MACROD2: variants seen among roughly 807,000 people sequenced by gnomAD.
The protein encoded by MACROD2 is ADP-ribose glycohydrolase MACROD2.
Under a neutral mutation model 70.4 loss-of-function variants are expected in MACROD2, and 36 were observed. That is an observed-to-expected ratio of 0.51 (90% CI 0.39 to 0.68). MACROD2 has a LOEUF of 0.68. MACROD2 is among the 30% of genes least tolerant of loss of function. MACROD2 has a pLI of 0.00. For synonymous variants in MACROD2, 172 were observed against 178.8 expected (o/e 0.96, Z 0.30); for missense variants, 496 against 538.4 (o/e 0.92, Z 0.78).
intron 5 of MACROD2, chr20:14,757,668 A>G (rs2071958999): frequency 7.4e-7 from 1 of 1,346,002 alleles, no homozygotes; most frequent in Admixed American, 1.7e-5. Flanking sequence ...GAGCTGTCAG[A>G]CAAGAATGTG....
intron 3 of MACROD2, among the ~76,000 whole-genome samples, chr20:14,306,151 G>A (rs955869157): frequency 2.0e-5 from 3 of 151,946 alleles, no homozygotes; most frequent in Non-Finnish European, 4.4e-5. Context: ...AATCCAGTGG[G>A]CACTGTTCAT....
rs955629540 is a variant in MACROD2 at position 15,814,962 on chromosome 20, G to A, written c.646-47783G>A. Among the ~76,000 whole-genome samples, 7 of 145,798 alleles carry A rather than the reference G, an allele frequency of 4.8e-5. No homozygotes were observed. The Admixed American group carries it at 4.9e-4, about 10-fold the overall frequency. Reference sequence around the variant, plus strand: ...AACTTTTAATTATGTCCAGAAGAATGGCAGAATATGTAGTGTTTGCAACCA... The same window carrying A: ...AACTTTTAATTATGTCCAGAAGAATAGCAGAATATGTAGTGTTTGCAACCA... On this transcript the variant is annotated intron_variant, in intron 8 of 17. Transcript: ENST00000684519.
intron 9 of MACROD2, among the ~76,000 whole-genome samples, chr20:15,865,513 G>T (rs529065900): frequency 1.3e-5 from 2 of 152,138 alleles, no homozygotes; most frequent in African/African-American, 4.8e-5. Context: ...AGGAGGCACC[G>T]TATTAACCCT....
At chr20:15,076,522 T>G (rs982269672) in intron 5 of MACROD2, among the ~76,000 whole-genome samples, 1 of 152,140 alleles carries the variant, frequency 6.6e-6, no homozygotes, top group African/African-American at 2.4e-5. Flanking sequence ...AGTATTACTG[T>G]TATTATCATT....
At position 15,199,371 on chromosome 20, in the gene MACROD2, C is replaced by A. The variant is rs2076636104; in HGVS notation, c.419-30569C>A. On this transcript the variant is annotated intron_variant, in intron 5 of 17. Transcript: ENST00000684519. ...GATCCTGTCTCAAAAAAACAAAAAA[C>A]AAACAACAACAACAAAAACACTGTG... 2.0e-5 allele frequency among the ~76,000 whole-genome samples: 3 copies of A among 151,906 alleles called. No homozygotes were observed. The South Asian group carries it at 6.2e-4, about 32-fold the overall frequency.
At chr20:15,578,907 CAG>C (rs546048180) in intron 8 of MACROD2, among the ~76,000 whole-genome samples, 1 of 151,840 alleles carries the variant, frequency 6.6e-6, no homozygotes, top group South Asian at 2.1e-4. Flanking sequence ...AGAAGATAGA[CAG>C]ATAAACAGAT....
chr20:15,536,270 C>T (rs777915536), intron 8 of MACROD2, among the ~76,000 whole-genome samples: 1 of 152,206 alleles, frequency 6.6e-6, no homozygotes, highest in Middle Eastern at 3.4e-3. Context: ...GAAAGGCCTC[C>T]GAATAGGAAT....
In MACROD2 at chr20:14,777,704, A is replaced by G. The variant is rs190787001; in HGVS notation, c.418+92745A>G. On this transcript the variant is annotated intron_variant, in intron 5 of 17. Coordinates refer to ENST00000684519, the MANE Select transcript of MACROD2 (RefSeq NM_001351661.2). ...GTGGACCCAGGCATGAAATTTAGTA[A>G]TATGCTGTTTAAACATAAAAGGCTA... Among the ~76,000 whole-genome samples, 242 of 152,226 alleles carry G rather than the reference A, an allele frequency of 1.6e-3. 1 individual carries two copies. The highest frequency in any genetic ancestry group is 5.5e-3 in the African/African-American group (227 of 41,492).
intron 8 of MACROD2, among the ~76,000 whole-genome samples, chr20:15,648,172 TTGA>T (rs2049582724): frequency 6.6e-6 from 1 of 152,210 alleles, no homozygotes; most frequent in South Asian, 2.1e-4. Context: ...GAATTTAATG[TTGA>T]TGAAGATAGA....
chr20:15,087,198 A>G (rs932977598), intron 5 of MACROD2, among the ~76,000 whole-genome samples: 3 of 152,070 alleles, frequency 2.0e-5, no homozygotes, highest in African/African-American at 7.2e-5. Flanking sequence ...GACTCTATTC[A>G]ATTAACAGAA....
At chr20:14,042,761 A>G (rs2053410853) in intron 2 of MACROD2, among the ~76,000 whole-genome samples, 1 of 152,054 alleles carries the variant, frequency 6.6e-6, no homozygotes, top group Non-Finnish European at 1.5e-5. Flanking sequence ...TGGCCTCCCA[A>G]AGTGTTGAGA....
chr20:15,149,076 C>T (rs957800366), intron 5 of MACROD2, among the ~76,000 whole-genome samples: 2 of 151,880 alleles, frequency 1.3e-5, no homozygotes, highest in Non-Finnish European at 2.9e-5. Flanking sequence ...TCTACCTAGA[C>T]TAAGAGGTAT....
At chr20:15,652,138 C>T (rs1292696437) in intron 8 of MACROD2, among the ~76,000 whole-genome samples, 1 of 152,168 alleles carries the variant, frequency 6.6e-6, no homozygotes, top group Non-Finnish European at 1.5e-5. Context: ...AACAAGCACT[C>T]ACCTGCTAGT....
chr20:14,575,059 G>A (rs2123330029), intron 4 of MACROD2, among the ~76,000 whole-genome samples: 1 of 145,814 alleles, frequency 6.9e-6, no homozygotes, highest in Non-Finnish European at 1.5e-5. Context: ...CAAAGTTTTT[G>A]GTCTCTGCAC....
intron 7 of MACROD2, among the ~76,000 whole-genome samples, chr20:15,435,348 TTAA>T (rs1180580764): frequency 2.6e-5 from 4 of 152,144 alleles, no homozygotes; most frequent in Non-Finnish European, 4.4e-5. Flanking sequence ...CATCTTTCAC[TTAA>T]TAATAATATT....
At chr20:15,842,575 C>T (rs1600981997) in intron 8 of MACROD2, among the ~76,000 whole-genome samples, 2 of 145,450 alleles carry the variant, frequency 1.4e-5, no homozygotes, top group Non-Finnish European at 3.0e-5. Context: ...TCAGAAACCA[C>T]AAAAAGCATC....
Position 15,845,190 on chromosome 20 carries a change from C to G in MACROD2, c.646-17555C>G, listed in dbSNP as rs554552586. ...GATATAATTAGTAAAGTTGAGGTCA[C>G]GCTGGATTAAGGTAGATCCTAATTC... On this transcript the variant is annotated intron_variant, in intron 8 of 17. Coordinates refer to ENST00000684519, the MANE Select transcript of MACROD2 (RefSeq NM_001351661.2). Among the ~76,000 whole-genome samples, 8 of 152,180 alleles carry G rather than the reference C, an allele frequency of 5.3e-5. No homozygotes were observed. In the East Asian group the frequency reaches 9.7e-4, roughly 18 times the overall value.
chr20:14,749,337 G>A (rs1217460579), intron 5 of MACROD2, among the ~76,000 whole-genome samples: 1 of 151,784 alleles, frequency 6.6e-6, no homozygotes, highest in Non-Finnish European at 1.5e-5. Flanking sequence ...CCAGGGAGAT[G>A]ATTGGATATA....
chr20:15,182,755 A>G (rs755124225), intron 5 of MACROD2, among the ~76,000 whole-genome samples: 9 of 152,138 alleles, frequency 5.9e-5, no homozygotes, highest in Non-Finnish European at 8.8e-5. Context: ...ATTCATTCAC[A>G]TAGCATTTCT....
Sources: gnomAD v4.1 joint callset for allele counts (sites outside exome capture counted in the v4.1 genomes callset) on GRCh38, gnomAD v4.1.1 for gene constraint, MANE v1.5 for transcripts, NCBI Gene and HGNC (gene_info 2026-07-23, HGNC 2026-07-21) for gene names.